Variants in SVOPL observed in about 807,000 individuals in gnomAD.
The protein encoded by SVOPL is SVOP like, also known as putative transporter SVOPL.
SVOPL carries 60 observed loss-of-function variants against 61.0 expected under a neutral mutation model. The observed-to-expected ratio is 0.98, with a 90% CI of 0.80 to 1.22. SVOPL has a LOEUF of 1.22. SVOPL is among the 50% of genes most tolerant of loss of function. The pLI is 0.00. For missense variants in SVOPL, 662 were observed against 643.9 expected (o/e 1.03, Z -0.30); for synonymous variants, 279 against 250.0 (o/e 1.12, Z -1.09).
chr7:138,666,025 A>G (rs1032916480), intron 4 of SVOPL, among the ~76,000 whole-genome samples: 5 of 151,506 alleles, frequency 3.3e-5, no homozygotes, highest in African/African-American at 1.2e-4. Context: ...CAAACAAAAC[A>G]AAAAACAAGA....
chr7:138,652,048 T>C (rs1801465471), intron 7 of SVOPL, among the ~76,000 whole-genome samples: 1 of 152,120 alleles, frequency 6.6e-6, no homozygotes, highest in Non-Finnish European at 1.5e-5. Context: ...TACAGGTTCA[T>C]GCCACCACAC....
At chr7:138,619,931 G>C (rs1039397710) in intron 14 of SVOPL, among the ~76,000 whole-genome samples, 1 of 152,094 alleles carries the variant, frequency 6.6e-6, no homozygotes, top group African/African-American at 2.4e-5. Flanking sequence ...TGGTTCTCAG[G>C]GAGGAGGAAA....
At chr7:138,630,962 A>C (rs796119135) in intron 9 of SVOPL, among the ~76,000 whole-genome samples, 2 of 151,264 alleles carry the variant, frequency 1.3e-5, no homozygotes. Flanking sequence ...AAAAAAAAAA[A>C]AAAAAAAGCA....
At chr7:138,648,943 T>G (rs1483197131) in intron 8 of SVOPL, 69 bp downstream of exon 8, 2 of 1,600,728 alleles carry the variant, frequency 1.2e-6, no homozygotes, top group African/African-American at 2.7e-5. Context: ...TAAAAGATAT[T>G]TGTGGGGCAT....
intron 9 of SVOPL, among the ~76,000 whole-genome samples, chr7:138,641,578 G>A (rs1462494913): frequency 6.6e-6 from 1 of 150,576 alleles, no homozygotes; most frequent in Non-Finnish European, 1.5e-5. Context: ...AGCTGAGACT[G>A]GAGAATCGCT....
Position 138,626,012 on chromosome 7 carries a change from A to G in SVOPL, c.1220T>C (p.Leu407Pro), listed in dbSNP as rs1215360433. The change falls in exon 13 of 16, where the codon CTG becomes CCG. Residue 407 changes from leucine (L) to proline (P), a missense_variant. Transcript: ENST00000674285. Reference protein sequence around the residue: ...LIGFLFMLRALVAANFNTVYI... With the variant: ...LIGFLFMLRAPVAANFNTVYI... ...GACGGTGTTGAAGTTTGCAGCTACC[A>G]GAGCCCTCAGCATGAAGAGGAAGCC... 1.2e-6 allele frequency: 2 copies of G among 1,614,168 alleles called. No individual in the cohort carries two copies. Among genetic ancestry groups the G allele is most frequent in the South Asian group, 1.1e-5 (1 of 91,084 alleles).
intron 1 of SVOPL, among the ~76,000 whole-genome samples, chr7:138,693,321 T>C (rs296918): frequency 0.6 from 91,478 of 151,468 alleles, 29,327 homozygotes; most frequent in African/African-American, 0.82. Context: ...CAAGACCAGC[T>C]TGGGCTGGGT....
At position 138,627,523 on chromosome 7, in the gene SVOPL, A is replaced by G; in HGVS notation, c.1070-62T>C. 2.5e-6 allele frequency: 3 copies of G among 1,212,102 alleles called. No homozygotes were observed. The Admixed American group carries it at 5.2e-5, about 21-fold the overall frequency. The allele number at this position is 1,212,102 out of a possible 1,614,324, so 75.1% of individuals were successfully genotyped here. A position where few individuals can be genotyped will look rare whatever the true frequency, so the allele number is the denominator to read the frequency against. Reference sequence around the variant, plus strand: ...TGGAAGGCAAGTGGCATATTGCAACACTGGCATGGATTCATCCTTGTCGTT... The same window carrying G: ...TGGAAGGCAAGTGGCATATTGCAACGCTGGCATGGATTCATCCTTGTCGTT... On this transcript the variant is annotated intron_variant, in intron 11 of 15. Coordinates refer to ENST00000674285, the MANE Select transcript of SVOPL (RefSeq NM_001139456.2).
chr7:138,620,119 G>GTTTTTTTTT lies in SVOPL; in HGVS notation c.1353+926_1353+927insAAAAAAAAA, dbSNP rs375556204. Among the ~76,000 whole-genome samples, 74 of 114,552 alleles carry GTTTTTTTTT rather than the reference G, an allele frequency of 6.5e-4. 4 individuals carry two copies. In the Middle Eastern group the frequency reaches 0.013, roughly 21 times the overall value. 75.2% of individuals were successfully genotyped at this position (114,552 alleles called of 152,430 possible). On this transcript the variant is annotated intron_variant, in intron 14 of 15. Transcript: ENST00000674285. Reference sequence around the variant, plus strand: ...TTTTTTTCTTTTTTGTTTTTTTTCTGTTTTGTTTTTTTTTTTTTTTTGAGA... The same window carrying GTTTTTTTTT: ...TTTTTTTCTTTTTTGTTTTTTTTCTGTTTTTTTTTTTTTGTTTTTTTTTTTTTTTTGAGA...
chr7:138,629,863 T>A (rs759038158), intron 10 of SVOPL, among the ~76,000 whole-genome samples, 186 bp downstream of exon 10: 15 of 152,242 alleles, frequency 9.9e-5, no homozygotes, highest in Admixed American at 6.5e-5. Flanking sequence ...CCTCTGTCTA[T>A]GTATCCATTT....
At chr7:138,679,306 G>A (rs1802651011) in intron 1 of SVOPL, among the ~76,000 whole-genome samples, 1 of 151,964 alleles carries the variant, frequency 6.6e-6, no homozygotes, top group African/African-American at 2.4e-5. Flanking sequence ...GTCTCGCTCT[G>A]TTGCCCAGGT....
In SVOPL at chr7:138,644,812, T is replaced by G; in HGVS notation, c.694A>C (p.Thr232Pro). 6.2e-7 allele frequency: 1 copy of G among 1,614,078 alleles called. No homozygotes were observed. Among genetic ancestry groups the G allele is most frequent in the Non-Finnish European group, 8.5e-7 (1 of 1,180,030 alleles). Residue 232 changes from threonine to proline, a missense_variant, in exon 9 of 16, where the codon ACT (threonine) becomes CCT (proline). By Grantham distance (38) the Thr-to-Pro change is conservative. Coordinates refer to ENST00000674285, the MANE Select transcript of SVOPL (RefSeq NM_001139456.2). ...GCCAGGGCAGCCCGAGTGTTCCCAG[T>G]GGAGACATTGAACCGGGCAGATTCA... is the stretch of plus-strand genomic sequence containing the variant. Reference protein sequence around the residue: ...IPESARFNVSTGNTRAALATL... With the variant: ...IPESARFNVSPGNTRAALATL...
chr7:138,676,464 G>C (rs535752451), intron 3 of SVOPL, among the ~76,000 whole-genome samples: 1 of 152,078 alleles, frequency 6.6e-6, no homozygotes, highest in Non-Finnish European at 1.5e-5. Context: ...GCGCTCACAG[G>C]GTGGAAAGGC....
chr7:138,694,748 G>A (rs1250979378), intron 1 of SVOPL, among the ~76,000 whole-genome samples: 1 of 151,882 alleles, frequency 6.6e-6, no homozygotes, highest in African/African-American at 2.4e-5. Flanking sequence ...TTATTATTTT[G>A]TTTGTTTGTT....
At chr7:138,677,287 A>G (rs768579267) in intron 3 of SVOPL, among the ~76,000 whole-genome samples, 151 of 152,126 alleles carry the variant, frequency 9.9e-4, no homozygotes, top group Admixed American at 2.9e-3. Context: ...GCTGCGTCCA[A>G]TGATGTTAGC....
intron 14 of SVOPL, among the ~76,000 whole-genome samples, chr7:138,612,934 T>C (rs192683475): frequency 1.6e-4 from 25 of 152,280 alleles, no homozygotes; most frequent in African/African-American, 6.0e-4. Context: ...TACATGGCAA[T>C]GTGAACTGAG....
At chr7:138,697,219 C>A (rs776069560) in intron 1 of SVOPL, among the ~76,000 whole-genome samples, 113 of 151,904 alleles carry the variant, frequency 7.4e-4, no homozygotes, top group African/African-American at 2.7e-3. Flanking sequence ...AAAAATAATA[C>A]TACTACTAAT....
intron 3 of SVOPL, among the ~76,000 whole-genome samples, chr7:138,674,680 C>A (rs1206969174): frequency 2.0e-5 from 3 of 151,608 alleles, no homozygotes; most frequent in Non-Finnish European, 4.4e-5. Flanking sequence ...CACGGTGAAA[C>A]CCTGTCTCTA....
At chr7:138,629,153 G>GTGTGTGTGTGTGTGTGTGTGTA (rs10624737) in intron 10 of SVOPL, among the ~76,000 whole-genome samples, 2 of 147,376 alleles carry the variant, frequency 1.4e-5, no homozygotes, top group African/African-American at 5.1e-5. Context: ...GTGTGTGTGT[G>GTGTGTGTGTGTGTGTGTGTGTA]TATATATGTA....
Sources: allele counts gnomAD v4.1 joint callset (sites outside exome capture counted in the v4.1 genomes callset), GRCh38; gene constraint gnomAD v4.1.1; transcripts MANE v1.5; gene names NCBI Gene and HGNC (gene_info 2026-07-23, HGNC 2026-07-21).